Variants in GGCX observed in about 807,000 individuals in gnomAD.
The protein encoded by GGCX is vitamin K-dependent gamma-carboxylase.
GGCX carries 63 observed loss-of-function variants against 88.5 expected under a neutral mutation model. That is an observed-to-expected ratio of 0.71 (90% CI 0.58 to 0.88). The LOEUF is 0.88. GGCX is among the 40% of genes least tolerant of loss of function. The pLI is 0.00. For missense variants in GGCX, 805 were observed against 932.9 expected (o/e 0.86, Z 1.79); for synonymous variants, 368 against 365.8 (o/e 1.01, Z -0.07).
rs781022811 is a variant in GGCX, at chr2:85,553,288, T to A, written c.1099A>T (p.Thr367Ser). ...GLRHQLGAAF[T>S]LLYLLEQLFL... The stretch of plus-strand genomic sequence containing the variant: ...AGCTGCTCCAGGAGGTAGAGCAGGG[T>A]GAAGGCAGCTCCCAGCTGATGGCGC... The change falls in exon 8 of 15, where the codon ACC becomes TCC. Residue 367 changes from threonine to serine, a missense_variant. Thr to Ser is a moderately conservative substitution (Grantham distance 58). Transcript: ENST00000233838. 6.2e-7 allele frequency: 1 copy of A among 1,614,136 alleles called. No homozygotes were observed. The highest frequency in any genetic ancestry group is 1.1e-5 in the South Asian group (1 of 91,084).
At chr2:85,561,306 C>T (rs1231665664) in intron 1 of GGCX, 80 bp downstream of exon 1, 12 of 658,382 alleles carry the variant, frequency 1.8e-5, no homozygotes, top group Non-Finnish European at 2.9e-5. Flanking sequence ...CCGGGAGACA[C>T]TGGGCGTCCT....
rs765627274 is a variant in GGCX, at chr2:85,551,120, C to A, written c.1741-48G>T. 2.6e-6 allele frequency: 4 copies of A among 1,551,378 alleles called. No individual in the cohort carries two copies. In the South Asian group the frequency reaches 4.5e-5, roughly 17 times the overall value. ...TAAATTTCATCAGCTTTTCTCTAGCCAGCTTATGGCCTCCCTACTCTATGA... is the reference window on the plus strand; with the variant it reads ...TAAATTTCATCAGCTTTTCTCTAGCAAGCTTATGGCCTCCCTACTCTATGA... On this transcript the variant is annotated intron_variant, in intron 12 of 14. Coordinates refer to ENST00000233838, the MANE Select transcript of GGCX (RefSeq NM_000821.7).
In GGCX at chr2:85,551,552, C is replaced by G. The variant is rs1273756298; in HGVS notation, c.1668G>C (p.Leu556=). The G allele has an allele frequency of 6.2e-7, 1 of 1,613,926 alleles. No individual in the cohort carries two copies. Among genetic ancestry groups the G allele is most frequent in the Admixed American group, 1.7e-5 (1 of 60,024 alleles). Residue 556 remains leucine (L), a synonymous_variant, in exon 12 of 15, where the codon CTG becomes CTC. Transcript: ENST00000233838. ...CAAGCTCCACAGTCACTTCCCCCTG[C>G]AGCAGCTGGATGCTAGTGTTGCCCA... ...EDLGNTSIQL[L]QGEVTVELVA... is the part of the protein sequence containing the mutation.
Position 85,558,545 on chromosome 2 carries a change from G to A in GGCX, c.434C>T (p.Pro145Leu), listed in dbSNP as rs758978640. 2 of 1,612,770 alleles carry A rather than the reference G, an allele frequency of 1.2e-6. No individual in the cohort carries two copies. The highest frequency in any genetic ancestry group is 1.7e-6 in the Non-Finnish European group (2 of 1,178,816). Residue 145 changes from proline (P) to leucine (L), a missense_variant, in exon 4 of 15, where the codon CCA (proline) becomes CTA (leucine). This residue lies in a region of GGCX where 680 missense variants were observed against 763.7 expected (regional missense o/e 0.89). Transcript: ENST00000233838. ...GTCCAGGAGAAACACATACCAGTAT[G>A]GCAGCAGGAATAACACACAGCTTAT... Reference protein sequence around the residue: ...YRISCVLFLLPYWYVFLLDKT... With the variant: ...YRISCVLFLLLYWYVFLLDKT...
chr2:85,550,555 C>T lies in GGCX; in HGVS notation c.2084G>A (p.Ser695Asn). ...LLRKLYVFRR[S>N]FLMTCISLRN... ...ATGACAAATATTGTTGTGAACTTAC[C>T]TGCGGCGAAAGACATAGAGCTTTCG... The change falls in exon 14 of 15, where the codon AGC becomes AAC. Residue 695 changes from serine to asparagine, a missense_variant and splice_region_variant. Ser to Asn is a conservative substitution (Grantham distance 46). Around this residue, in one of 3 missense-constraint regions of GGCX, gnomAD observed 680 missense variants for 763.7 expected, o/e 0.89. Transcript: ENST00000233838. The T allele has an allele frequency of 6.2e-7, 1 of 1,610,118 alleles. No homozygotes were observed. The highest frequency in any genetic ancestry group is 8.5e-7 in the Non-Finnish European group (1 of 1,176,312).
In GGCX at chr2:85,548,772, C is replaced by T. The variant is rs1454307568; in HGVS notation, c.*1162G>A. The T allele has an allele frequency of 2.6e-5, 4 of 152,162 alleles. No individual in the cohort carries two copies. The highest frequency in any genetic ancestry group is 2.1e-4 in the South Asian group (1 of 4,828). The allele number at this position is 152,162 out of a possible 1,614,324, so 9.4% of individuals were successfully genotyped here. A position where few individuals can be genotyped will look rare whatever the true frequency, so the allele number is the denominator to read the frequency against. ...CTGAACTGAGGAGCTTCCTGAGTTA[C>T]CCTTGTATACCCCAACCTACAAAAT... is the stretch of plus-strand genomic sequence containing the variant. On this transcript the variant is annotated 3_prime_UTR_variant, in exon 15 of 15. Coordinates refer to ENST00000233838, the MANE Select transcript of GGCX (RefSeq NM_000821.7).
chr2:85,551,711 G>A, intron 11 of GGCX, 101 bp from the exon 12 acceptor site: 1 of 1,572,720 alleles, frequency 6.4e-7, no homozygotes, highest in Non-Finnish European at 8.7e-7. Flanking sequence ...ATCCCCTTAG[G>A]TTTCAAAAAC....
In GGCX at chr2:85,550,026, CAA is replaced by C; in HGVS notation, c.2183_2184del (p.Phe728Ter). The C allele has an allele frequency of 6.2e-7, 1 of 1,612,742 alleles. No individual in the cohort carries two copies. Among genetic ancestry groups the C allele is most frequent in the East Asian group, 2.2e-5 (1 of 44,860 alleles). On this transcript the variant is annotated frameshift_variant, in exon 15 of 15. Coordinates refer to ENST00000233838, the MANE Select transcript of GGCX (RefSeq NM_000821.7). LOFTEE classifies it low-confidence loss of function (END_TRUNC). The part of the protein sequence containing the change: ...QEVTYANLRP[F>X]EAVGELNPSN... ...GAGGGATTCAGTTCTCCAACTGCCT[CAA>C]AGGGTCTCAAGTTTGCATAAGTCAC...
intron 4 of GGCX, among the ~76,000 whole-genome samples, chr2:85,556,976 T>C (rs1692227557): frequency 6.6e-6 from 1 of 152,184 alleles, no homozygotes; most frequent in Non-Finnish European, 1.5e-5. Context: ...ATCTTTAAAA[T>C]GTGAACAGGC....
In GGCX at chr2:85,555,571, A is replaced by G. The variant is rs1692175551; in HGVS notation, c.638T>C (p.Ile213Thr). ...TGCATCCAGCTTTTTCACACCCGCA[A>G]TGAAGTACACAATGAAGATCTGAAA... Reference protein sequence around the residue: ...LRGQIFIVYFIAGVKKLDADW... With the variant: ...LRGQIFIVYFTAGVKKLDADW... The change falls in exon 6 of 15, where the codon ATT (isoleucine) becomes ACT (threonine). Residue 213 changes from isoleucine (I) to threonine (T), a missense_variant. This residue lies in a region of GGCX where 680 missense variants were observed against 763.7 expected (regional missense o/e 0.89). Coordinates refer to ENST00000233838, the MANE Select transcript of GGCX (RefSeq NM_000821.7). The G allele has an allele frequency of 1.3e-6, 2 of 1,579,550 alleles. No homozygotes were observed. The highest frequency in any genetic ancestry group is 1.7e-6 in the Non-Finnish European group (2 of 1,148,300).
chr2:85,552,898 G>T, intron 9 of GGCX, 41 bp downstream of exon 9: 1 of 1,610,618 alleles, frequency 6.2e-7, no homozygotes, highest in Non-Finnish European at 8.5e-7. Flanking sequence ...AGCACAAGGG[G>T]GCTCTGAAGA....
rs375880850 is a variant in GGCX, at chr2:85,550,697, C to G, written c.1942G>C (p.Gly648Arg). The G allele has an allele frequency of 1.0e-4, 164 of 1,614,022 alleles. No individual in the cohort carries two copies. Among genetic ancestry groups the G allele is most frequent in the Non-Finnish European group, 1.4e-4 (161 of 1,180,028 alleles). ...ACCAGAGGTGTTGGCTCAGGGCCCCCTTTTACTTCCCCTTCCAACAGAGGC... is the reference window on the plus strand; with the variant it reads ...ACCAGAGGTGTTGGCTCAGGGCCCCGTTTTACTTCCCCTTCCAACAGAGGC... ...LQPLLEGEVK[G>R]GPEPTPLVQT... The change falls in exon 14 of 15, where the codon GGG (glycine) becomes CGG (arginine). Residue 648 changes from glycine (G) to arginine (R), a missense_variant. Around this residue, in one of 3 missense-constraint regions of GGCX, gnomAD observed 680 missense variants for 763.7 expected, o/e 0.89. Coordinates refer to ENST00000233838, the MANE Select transcript of GGCX (RefSeq NM_000821.7).
At position 85,547,576 on chromosome 2, in the gene GGCX, C is replaced by T. The variant is rs1691739241; in HGVS notation, c.*2358G>A. ...AAGTAACTCTTGGGACTTTTGTTAC[C>T]AGTCAAGTAGGTACAGTGAGTTTGG... On this transcript the variant is annotated 3_prime_UTR_variant, in exon 15 of 15. Coordinates refer to ENST00000233838, the MANE Select transcript of GGCX (RefSeq NM_000821.7). The T allele has an allele frequency of 6.6e-6, 1 of 152,156 alleles. No individual in the cohort carries two copies. Among genetic ancestry groups the T allele is most frequent in the South Asian group, 2.1e-4 (1 of 4,832 alleles). The allele number at this position is 152,156 out of a possible 1,614,324, so 9.4% of individuals were successfully genotyped here. A position where few individuals can be genotyped will look rare whatever the true frequency, so the allele number is the denominator to read the frequency against.
chr2:85,547,437 T>C lies in GGCX; in HGVS notation c.*2497A>G, dbSNP rs1691733587. The C allele has an allele frequency of 6.6e-6, 1 of 152,216 alleles. No individual in the cohort carries two copies. The highest frequency in any genetic ancestry group is 2.4e-5 in the African/African-American group (1 of 41,464). The allele number at this position is 152,216 out of a possible 1,614,324, so 9.4% of individuals were successfully genotyped here. ...ACCACTTTTTCTTTACACCTCACCC[T>C]ACCCCAATATCTTCCTTGGGAAAAT... On this transcript the variant is annotated 3_prime_UTR_variant, in exon 15 of 15. Transcript: ENST00000233838.
chr2:85,558,485 C>G lies in GGCX; in HGVS notation c.494G>C (p.Gly165Ala), dbSNP rs1692298102. 1.2e-6 allele frequency: 2 copies of G among 1,613,886 alleles called. No homozygotes were observed. Among genetic ancestry groups the G allele is most frequent in the Non-Finnish European group, 1.7e-6 (2 of 1,179,892 alleles). ...GAATGTTAGCTGAAAGGCCAACAAC[C>G]CATACAGATAGGAGTGGTTGTTCCA... is the stretch of plus-strand genomic sequence containing the variant. Reference protein sequence around the residue: ...TSWNNHSYLYGLLAFQLTFMD... With the variant: ...TSWNNHSYLYALLAFQLTFMD... Residue 165 changes from glycine (G) to alanine (A), a missense_variant, in exon 4 of 15, where the codon GGG becomes GCG. Around this residue, in one of 3 missense-constraint regions of GGCX, gnomAD observed 680 missense variants for 763.7 expected, o/e 0.89. Transcript: ENST00000233838.
chr2:85,559,136 T>A (rs1435933865), intron 2 of GGCX, 61 bp from the exon 3 acceptor site: 1 of 1,370,588 alleles, frequency 7.3e-7, no homozygotes, highest in Non-Finnish European at 1.0e-6. Flanking sequence ...TAGAATACAG[T>A]GGAACACAGT....
chr2:85,547,215 A>G lies in GGCX; in HGVS notation c.*2719T>C, dbSNP rs547872533. ...AATGTCTTTAGGTTGAACATTCTGT[A>G]TATAACCTGCCTTTCTAAAGTTTCA... On this transcript the variant is annotated 3_prime_UTR_variant, in exon 15 of 15. Coordinates refer to ENST00000233838, the MANE Select transcript of GGCX (RefSeq NM_000821.7). 6.6e-6 allele frequency: 1 copy of G among 152,340 alleles called. No homozygotes were observed. Among genetic ancestry groups the G allele is most frequent in the East Asian group, 1.9e-4 (1 of 5,190 alleles). The allele number at this position is 152,340 out of a possible 1,614,324, so 9.4% of individuals were successfully genotyped here.
rs1284418547 is a variant in GGCX at position 85,560,963 on chromosome 2, A to G, written c.66T>C (p.Ala22=). 6 of 1,613,928 alleles carry G rather than the reference A, an allele frequency of 3.7e-6. No homozygotes were observed. Among genetic ancestry groups the G allele is most frequent in the Non-Finnish European group, 5.1e-6 (6 of 1,179,774 alleles). The change falls in exon 2 of 15, where the codon GCT becomes GCC. Residue 22 remains alanine (A), a synonymous_variant. Transcript: ENST00000233838. The stretch of plus-strand genomic sequence containing the variant: ...CCTGCCTGGGCCCTGAGATCAGTTC[A>G]GCCTTGTCTTTCTGTACTTTATCTG... The part of the protein sequence containing the change: ...PSSDKVQKDK[A]ELISGPRQDS...
In GGCX at chr2:85,553,555, C is replaced by G. The variant is rs753451708; in HGVS notation, c.890-58G>C. 5.8e-6 allele frequency: 9 copies of G among 1,552,700 alleles called. No homozygotes were observed. The South Asian group carries it at 6.7e-5, about 12-fold the overall frequency. ...GAGTTTGGCTGGGCCTCTTCAACCC[C>G]GTTCCCTTAGGAGACTTCTCCCAGG... is the stretch of plus-strand genomic sequence containing the variant. On this transcript the variant is annotated intron_variant, in intron 7 of 14. Transcript: ENST00000233838.
Sources: gnomAD v4.1 joint callset for allele counts (sites outside exome capture counted in the v4.1 genomes callset) on GRCh38, gnomAD v4.1.1 for gene constraint, gnomAD v4.1.1 regional missense constraint, MANE v1.5 for transcripts, NCBI Gene and HGNC (gene_info 2026-07-23, HGNC 2026-07-21) for gene names.